CHCHD3: variants seen among roughly 807,000 people sequenced by gnomAD.
CHCHD3 encodes the protein coiled-coil-helix-coiled-coil-helix domain containing 3, also known as MICOS complex subunit MIC19.
Under a neutral mutation model 38.2 loss-of-function variants are expected in CHCHD3, and 20 were observed. The observed-to-expected ratio is 0.52, with a 90% CI of 0.37 to 0.76. The LOEUF (loss-of-function observed/expected upper bound fraction) is 0.76. Among genes scored for constraint, CHCHD3 ranks in the 30% least tolerant of loss-of-function variants. CHCHD3 has a pLI of 0.00. For missense variants in CHCHD3, 245 were observed against 279.2 expected, an observed-to-expected ratio of 0.88 and a Z score of 0.87; for synonymous variants, 82 against 100.0, an observed-to-expected ratio of 0.82 and a Z score of 1.07.
intron 3 of CHCHD3, among the ~76,000 whole-genome samples, chr7:132,984,050 A>AC (rs1562929101): frequency 1.6e-5 from 2 of 128,100 alleles, no homozygotes; most frequent in African/African-American, 3.0e-5. Context: ...CCCTCTCCCC[A>AC]TGGTCTCCCT....
intron 2 of CHCHD3, among the ~76,000 whole-genome samples, chr7:133,048,874 G>A (rs28402251): frequency 0.01 from 1,574 of 152,278 alleles, 31 homozygotes; most frequent in African/African-American, 0.036. Flanking sequence ...GCAAGTTTCC[G>A]CCAAGAGAAT....
At chr7:132,905,427 A>C (rs1809775545) in intron 4 of CHCHD3, among the ~76,000 whole-genome samples, 2 of 151,964 alleles carry the variant, frequency 1.3e-5, no homozygotes, top group African/African-American at 4.8e-5. Flanking sequence ...GGGGGGAAAC[A>C]ACACACACTG....
Position 132,912,340 on chromosome 7 carries a change from A to G in CHCHD3, c.370-26595T>C, listed in dbSNP as rs531990120. Among the ~76,000 whole-genome samples the G allele has an allele frequency of 2.6e-3, 398 of 152,324 alleles. 4 individuals carry two copies. Among genetic ancestry groups the G allele is most frequent in the African/African-American group, 9.1e-3 (379 of 41,574 alleles). ...TTGCCTGGCCCAAGGTTCTGATCTG[A>G]GACATCCTCCCTTCTCTGAAATAAG... is the stretch of plus-strand genomic sequence containing the variant. On this transcript the variant is annotated intron_variant, in intron 4 of 7. Coordinates refer to ENST00000262570, the MANE Select transcript of CHCHD3 (RefSeq NM_017812.4).
intron 4 of CHCHD3, among the ~76,000 whole-genome samples, chr7:132,935,502 T>C (rs1219199778): frequency 6.6e-6 from 1 of 152,228 alleles, no homozygotes; most frequent in Non-Finnish European, 1.5e-5. Context: ...ATGTAAAATA[T>C]ATTCTTGCAG....
At chr7:132,993,727 C>T (rs926490384) in intron 3 of CHCHD3, among the ~76,000 whole-genome samples, 1 of 152,196 alleles carries the variant, frequency 6.6e-6, no homozygotes, top group Admixed American at 6.5e-5. Flanking sequence ...CTCCCCATCC[C>T]TCACCCACCC....
At chr7:132,955,173 G>GTGTGTGTGTGT (rs3220530) in intron 4 of CHCHD3, among the ~76,000 whole-genome samples, 1 of 126,226 alleles carries the variant, frequency 7.9e-6, no homozygotes, top group Admixed American at 8.6e-5. Context: ...TCCCTCAGAG[G>GTGTGTGTGTGT]GTGTGTGTGT....
chr7:132,847,241 G>A (rs1467418646), intron 5 of CHCHD3: 1 of 152,140 alleles, frequency 6.6e-6, no homozygotes, highest in Non-Finnish European at 1.5e-5. Flanking sequence ...CTGCAAAGGA[G>A]GCTAGGAAAT....
chr7:133,048,142 A>AG (rs113322629), intron 2 of CHCHD3, among the ~76,000 whole-genome samples: 59 of 143,952 alleles, frequency 4.1e-4, no homozygotes, highest in African/African-American at 9.6e-4. Flanking sequence ...TAGGTTAAAT[A>AG]AAAAAAAAAA....
intron 4 of CHCHD3, among the ~76,000 whole-genome samples, chr7:132,919,649 A>G (rs1810209637): frequency 1.3e-5 from 2 of 152,364 alleles, no homozygotes; most frequent in South Asian, 4.1e-4. Context: ...GGCTCAGTTT[A>G]GTCACACGCC....
chr7:132,813,729 T>A (rs1807132204), intron 6 of CHCHD3, among the ~76,000 whole-genome samples: 1 of 152,186 alleles, frequency 6.6e-6, no homozygotes, highest in South Asian at 2.1e-4. Context: ...ATACGATACA[T>A]CTGAGAGTTG....
At chr7:132,794,265 A>G (rs1806545396) in intron 7 of CHCHD3, among the ~76,000 whole-genome samples, 1 of 152,216 alleles carries the variant, frequency 6.6e-6, no homozygotes. Context: ...TACCCACTCA[A>G]AAACCAAATG....
At position 132,975,217 on chromosome 7, in the gene CHCHD3, A is replaced by C. The variant is rs765709044; in HGVS notation, c.321T>G (p.Leu107=). The C allele has an allele frequency of 6.2e-7, 1 of 1,612,584 alleles. No individual in the cohort carries two copies. Among genetic ancestry groups the C allele is most frequent in the Non-Finnish European group, 8.5e-7 (1 of 1,179,992 alleles). ...CCTCCTCGCTACATATCCTCTCCCG[A>C]AGGATGGCTCTGGTTAACTGCTCAT... ...AANEQLTRAI[L]RERICSEEER... The change falls in exon 4 of 8, where the codon CTT becomes CTG. Residue 107 remains leucine, a synonymous_variant. Transcript: ENST00000262570.
intron 3 of CHCHD3, among the ~76,000 whole-genome samples, chr7:133,014,932 A>G (rs1225614687): frequency 6.6e-6 from 1 of 152,168 alleles, no homozygotes; most frequent in Non-Finnish European, 1.5e-5. Context: ...CTGCTTCCAC[A>G]TACTCCCCGC....
intron 4 of CHCHD3, among the ~76,000 whole-genome samples, chr7:132,900,527 T>C (rs1809640580): frequency 6.6e-6 from 1 of 151,958 alleles, no homozygotes; most frequent in Non-Finnish European, 1.5e-5. Flanking sequence ...AACCTTTAAA[T>C]GAAAGCCAGC....
intron 4 of CHCHD3, among the ~76,000 whole-genome samples, chr7:132,957,766 C>T (rs960163285): frequency 4.6e-5 from 7 of 152,174 alleles, no homozygotes; most frequent in African/African-American, 1.7e-4. Flanking sequence ...AGACGTGAGC[C>T]ACTGTGCCCA....
At chr7:132,806,052 A>G (rs1806911952) in intron 6 of CHCHD3, among the ~76,000 whole-genome samples, 3 of 152,166 alleles carry the variant, frequency 2.0e-5, no homozygotes, top group African/African-American at 4.8e-5. Context: ...GGCAGAAAGG[A>G]CAGCAGAAGC....
At chr7:132,912,781 C>T (rs535947457) in intron 4 of CHCHD3, among the ~76,000 whole-genome samples, 1 of 152,298 alleles carries the variant, frequency 6.6e-6, no homozygotes, top group African/African-American at 2.4e-5. Context: ...TCTCAAACTC[C>T]CAGCCTCAAG....
intron 2 of CHCHD3, among the ~76,000 whole-genome samples, chr7:133,032,252 C>T (rs1813524178): frequency 2.0e-5 from 3 of 152,130 alleles, no homozygotes; most frequent in African/African-American, 7.2e-5. Context: ...CCTTCACCAT[C>T]CTATAAGGAG....
intron 2 of CHCHD3, chr7:133,034,591 T>C (rs543782103): frequency 1.0e-4 from 150 of 1,444,738 alleles, no homozygotes; most frequent in Admixed American, 1.5e-4. Context: ...GGCAGCTAGG[T>C]GATGGCAAGA....
Sources: gnomAD v4.1 joint callset for allele counts (sites outside exome capture counted in the v4.1 genomes callset) on GRCh38, gnomAD v4.1.1 for gene constraint, MANE v1.5 for transcripts, NCBI Gene and HGNC (gene_info 2026-07-23, HGNC 2026-07-21) for gene names.